DLGAP2: variants seen among roughly 807,000 people sequenced by gnomAD.
The protein encoded by DLGAP2 is disks large-associated protein 2.
DLGAP2 carries 26 observed loss-of-function variants against 100.3 expected under a neutral mutation model. The ratio of observed to expected loss-of-function variants is 0.26; its 90% CI spans 0.19 to 0.36. The LOEUF is 0.36. Among genes scored for constraint, DLGAP2 ranks in the 10% least tolerant of loss-of-function variants. The pLI, the probability that DLGAP2 is intolerant of heterozygous loss-of-function variation, is 1.00. For missense variants in DLGAP2, 1,858 were observed against 1,453.2 expected, an observed-to-expected ratio of 1.28 and a Z score of -4.53; for synonymous variants, 886 against 630.1, an observed-to-expected ratio of 1.41 and a Z score of -6.08.
chr8:1,648,636 C>G (rs1431458564), intron 8 of DLGAP2, among the ~76,000 whole-genome samples: 1 of 152,156 alleles, frequency 6.6e-6, no homozygotes, highest in Non-Finnish European at 1.5e-5. Flanking sequence ...CAGACCTTCC[C>G]TGGGGCATGA....
chr8:1,336,115 CCTG>C (rs1358557764), intron 3 of DLGAP2, among the ~76,000 whole-genome samples: 1 of 152,256 alleles, frequency 6.6e-6, no homozygotes, highest in African/African-American at 2.4e-5. Context: ...CCAAGACCAC[CCTG>C]TTCCTCCCCA....
At chr8:1,252,449 G>C (rs1799067636) in intron 2 of DLGAP2, among the ~76,000 whole-genome samples, 1 of 152,134 alleles carries the variant, frequency 6.6e-6, no homozygotes, top group Non-Finnish European at 1.5e-5. Flanking sequence ...GTCACACTGT[G>C]GTGTTGTCAC....
At chr8:1,376,998 A>C (rs1401502894) in intron 3 of DLGAP2, among the ~76,000 whole-genome samples, 1 of 152,188 alleles carries the variant, frequency 6.6e-6, no homozygotes, top group African/African-American at 2.4e-5. Flanking sequence ...ATCAGGGACC[A>C]CATGCTTCAG....
chr8:1,564,641 T>C (rs1802323159), intron 5 of DLGAP2, among the ~76,000 whole-genome samples: 1 of 152,214 alleles, frequency 6.6e-6, no homozygotes, highest in African/African-American at 2.4e-5. Flanking sequence ...CATGCACAGT[T>C]GCTCAGTTTG....
At chr8:1,468,372 A>G (rs1269953411) in intron 3 of DLGAP2, among the ~76,000 whole-genome samples, 9 of 136,070 alleles carry the variant, frequency 6.6e-5, no homozygotes, top group Admixed American at 2.9e-4. Flanking sequence ...CAGCAGCCTC[A>G]GTCCATTCTG....
At chr8:790,894 C>T (rs968043299) in intron 1 of DLGAP2, among the ~76,000 whole-genome samples, 13 of 151,998 alleles carry the variant, frequency 8.6e-5, no homozygotes, top group Non-Finnish European at 1.9e-4. Flanking sequence ...TACAGGTGCA[C>T]GCCACCATGC....
chr8:1,279,201 A>C (rs532826862), intron 3 of DLGAP2, among the ~76,000 whole-genome samples: 1 of 152,334 alleles, frequency 6.6e-6, no homozygotes, highest in East Asian at 1.9e-4. Flanking sequence ...TCTTAACCTC[A>C]AAAGCCCTTT....
chr8:820,209 A>C lies in DLGAP2; in HGVS notation c.18+82384A>C, dbSNP rs114937277. Among the ~76,000 whole-genome samples, 533 of 152,372 alleles carry C rather than the reference A, an allele frequency of 3.5e-3. 8 individuals carry two copies. The highest frequency in any genetic ancestry group is 0.012 in the African/African-American group (513 of 41,580). ...CATCTCACAACACAACAAAGTTTTA[A>C]ACATGTTAAATATGTAATCATTAAA... is the stretch of plus-strand genomic sequence containing the variant. On this transcript the variant is annotated intron_variant, in intron 1 of 14. Transcript: ENST00000637795.
intron 7 of DLGAP2, among the ~76,000 whole-genome samples, chr8:1,628,266 T>C (rs376552603): frequency 2.9e-4 from 39 of 133,078 alleles, no homozygotes; most frequent in East Asian, 7.0e-4. Flanking sequence ...GAGCCTGAGC[T>C]GACCTCACAT....
intron 1 of DLGAP2, among the ~76,000 whole-genome samples, chr8:740,877 G>A (rs1035899703): frequency 6.6e-6 from 1 of 152,160 alleles, no homozygotes; most frequent in Non-Finnish European, 1.5e-5. Flanking sequence ...CAGGATGGAT[G>A]CTCCATGGTC....
chr8:1,598,597 G>T (rs1033460478), intron 6 of DLGAP2, among the ~76,000 whole-genome samples: 2 of 152,108 alleles, frequency 1.3e-5, no homozygotes, highest in East Asian at 1.9e-4. Context: ...TCTTGGGAGG[G>T]TGTATGTTTC....
chr8:1,273,837 G>C (rs1363130211), intron 3 of DLGAP2, among the ~76,000 whole-genome samples: 3 of 152,192 alleles, frequency 2.0e-5, no homozygotes, highest in Admixed American at 1.3e-4. Flanking sequence ...GAATGACATT[G>C]GTGTAGAATT....
At chr8:1,374,777 G>C (rs911749737) in intron 3 of DLGAP2, among the ~76,000 whole-genome samples, 1 of 152,172 alleles carries the variant, frequency 6.6e-6, no homozygotes, top group Admixed American at 6.5e-5. Context: ...GGGCACCGAG[G>C]CACCTAACGT....
intron 1 of DLGAP2, among the ~76,000 whole-genome samples, chr8:899,802 CAT>C (rs1245110037): frequency 1.3e-5 from 2 of 152,216 alleles, no homozygotes; most frequent in African/African-American, 2.4e-5. Flanking sequence ...ATCTCAGGCT[CAT>C]GTGGCTGGAG....
chr8:1,079,556 T>G lies in DLGAP2; in HGVS notation c.73+171590T>G, dbSNP rs1204119773. 2.6e-5 allele frequency among the ~76,000 whole-genome samples: 4 copies of G among 152,218 alleles called. No homozygotes were observed. In the South Asian group the frequency reaches 8.3e-4, roughly 32 times the overall value. ...TATTCTATGTTTTGTGGTTTCGTCA[T>G]ACAGCTATGCTCCCCAACAAAGGAA... On this transcript the variant is annotated intron_variant, in intron 2 of 14. Coordinates refer to ENST00000637795, the MANE Select transcript of DLGAP2 (RefSeq NM_001346810.2).
At chr8:889,061 G>C (rs1269216370) in intron 1 of DLGAP2, among the ~76,000 whole-genome samples, 1 of 152,194 alleles carries the variant, frequency 6.6e-6, no homozygotes, top group Non-Finnish European at 1.5e-5. Flanking sequence ...GTTGTTCTCT[G>C]GCGGGCAGAC....
At chr8:1,118,457 G>C (rs1184617948) in intron 2 of DLGAP2, among the ~76,000 whole-genome samples, 1 of 152,114 alleles carries the variant, frequency 6.6e-6, no homozygotes, top group East Asian at 1.9e-4. Context: ...TTATTTTCAG[G>C]GCAAAACTTC....
chr8:1,272,408 A>G lies in DLGAP2; in HGVS notation c.106+13525A>G, dbSNP rs572599135. On this transcript the variant is annotated intron_variant, in intron 3 of 14. Coordinates refer to ENST00000637795, the MANE Select transcript of DLGAP2 (RefSeq NM_001346810.2). ...GTTTTTATATATATAGATGTTTTAT[A>G]TATTTAGAAGTTTTGTATATAGAAG... 1.7e-3 allele frequency among the ~76,000 whole-genome samples: 260 copies of G among 152,104 alleles called. 1 individual carries two copies. Among genetic ancestry groups the G allele is most frequent in the Non-Finnish European group, 2.8e-3 (191 of 67,988 alleles).
At chr8:775,505 T>G (rs1428879932) in intron 1 of DLGAP2, among the ~76,000 whole-genome samples, 2 of 135,332 alleles carry the variant, frequency 1.5e-5, no homozygotes, top group African/African-American at 5.6e-5. Context: ...ATAGCTCTTA[T>G]TATTTTGAGA....
Sources: gnomAD v4.1 joint callset for allele counts (sites outside exome capture counted in the v4.1 genomes callset) on GRCh38, gnomAD v4.1.1 for gene constraint, MANE v1.5 for transcripts, NCBI Gene and HGNC (gene_info 2026-07-23, HGNC 2026-07-21) for gene names.